Variants in CD244 observed in about 807,000 individuals in gnomAD.
CD244 encodes CD244 molecule.
A neutral mutation model predicts 45.5 loss-of-function variants in CD244; 20 were observed. The ratio of observed to expected loss-of-function variants is 0.44; its 90% confidence interval spans 0.31 to 0.64. The LOEUF is 0.64. Ranked by LOEUF, CD244 falls within the 30% of genes least tolerant of loss-of-function variation. The pLI, the probability that CD244 is intolerant of heterozygous loss-of-function variation, is 0.08. For missense variants in CD244, 407 were observed against 426.9 expected (o/e 0.95, Z 0.41); for synonymous variants, 185 against 160.5 (o/e 1.15, Z -1.15).
chr1:160,848,080 G>C (rs2101882535), intron 1 of CD244: 1 of 382,006 alleles, frequency 2.6e-6, no homozygotes, highest in African/African-American at 2.1e-5. Context: ...CCTTGGAGCT[G>C]TTTGCACATA....
rs574716207 is a variant in CD244 at position 160,861,197 on chromosome 1, C to T, written c.61+1420G>A. ...AGCTCTCCTGCCTAGAATCCTGGGC[C>T]ACTAGGCCCCCCAACCCACCCACAA... On this transcript the variant is annotated intron_variant, in intron 1 of 8. Transcript: ENST00000368034. Among the ~76,000 whole-genome samples the T allele has an allele frequency of 1.1e-3, 164 of 152,270 alleles. 1 individual carries two copies. The highest frequency in any genetic ancestry group is 2.0e-3 in the Non-Finnish European group (139 of 68,006).
chr1:160,834,180 T>A, intron 6 of CD244, 64 bp from the exon 7 acceptor site: 1 of 1,228,424 alleles, frequency 8.1e-7, no homozygotes, highest in East Asian at 2.3e-5. Context: ...ACAAAGGTTA[T>A]CTCTTCCGTT....
At chr1:160,839,742 G>A (rs1378099126) in intron 3 of CD244, among the ~76,000 whole-genome samples, 1 of 152,120 alleles carries the variant, frequency 6.6e-6, no homozygotes, top group African/African-American at 2.4e-5. Context: ...GTGGGTCCTG[G>A]AACTAATTCG....
rs1669407900 is a variant in CD244, at chr1:160,838,447, A to C, written c.834+4T>G. ...GAGAGACCCCAGCCTCCGGGATGAC[A>C]TACGTGATTTCTCCTGGTTTTCAGA... On this transcript the variant is annotated splice_donor_region_variant and intron_variant, in intron 5 of 8. Coordinates refer to ENST00000368034, the MANE Select transcript of CD244 (RefSeq NM_016382.4). 2 of 1,608,832 alleles carry C rather than the reference A, an allele frequency of 1.2e-6. No homozygotes were observed. The highest frequency in any genetic ancestry group is 1.7e-6 in the Non-Finnish European group (2 of 1,175,158).
rs1297071572 is a variant in CD244 at position 160,841,803 on chromosome 1, T to C, written c.160A>G (p.Lys54Glu). 1.2e-6 allele frequency: 2 copies of C among 1,614,024 alleles called. No individual in the cohort carries two copies. The highest frequency in any genetic ancestry group is 1.3e-5 in the African/African-American group (1 of 74,912). The change falls in exon 2 of 9, where the codon AAG (lysine) becomes GAG (glutamate). Residue 54 changes from lysine to glutamate, a missense_variant. By Grantham distance (56) the Lys-to-Glu change is moderately conservative. Transcript: ENST00000368034. ...CCATTTTGTGAGGGCAGCAACTTCT[T>C]CCATGCAATGCTGTCAACCTTCGTC... is the stretch of plus-strand genomic sequence containing the variant. ...IQTKVDSIAW[K>E]KLLPSQNGFH... is the part of the protein sequence containing the mutation.
chr1:160,842,615 T>C (rs554457424), intron 1 of CD244, among the ~76,000 whole-genome samples: 1 of 152,254 alleles, frequency 6.6e-6, no homozygotes, highest in East Asian at 1.9e-4. Flanking sequence ...AACCATCCTC[T>C]CACAGAGCTG....
chr1:160,857,663 T>C (rs1485126126), intron 1 of CD244, among the ~76,000 whole-genome samples: 3 of 152,240 alleles, frequency 2.0e-5, no homozygotes, highest in Non-Finnish European at 4.4e-5. Flanking sequence ...CAAGAGTGTG[T>C]TCATTTAACA....
chr1:160,858,911 A>T (rs1053541046), intron 1 of CD244, among the ~76,000 whole-genome samples: 9 of 152,212 alleles, frequency 5.9e-5, no homozygotes, highest in Non-Finnish European at 1.0e-4. Context: ...ACTGCTCTAG[A>T]TGTTGAGGAG....
intron 1 of CD244, among the ~76,000 whole-genome samples, chr1:160,857,139 C>G (rs2101894899): frequency 6.6e-6 from 1 of 152,350 alleles, no homozygotes; most frequent in East Asian, 1.9e-4. Context: ...TTGCCAAGCT[C>G]CACATTTCCA....
At chr1:160,848,105 G>A (rs1212483472) in intron 1 of CD244, 2 of 407,934 alleles carry the variant, frequency 4.9e-6, no homozygotes, top group Admixed American at 3.1e-5. Context: ...TCCAAAGACA[G>A]CAGAAAACAT....
chr1:160,841,190 G>A lies in CD244; in HGVS notation c.655+20C>T, dbSNP rs1669529104. ...GTCCAAACCTTCAGCGCTTGTTATAGCCCAGTGTGTTCCACTTACCCTGAT... is the reference window on the plus strand; with the variant it reads ...GTCCAAACCTTCAGCGCTTGTTATAACCCAGTGTGTTCCACTTACCCTGAT... On this transcript the variant is annotated intron_variant, in intron 3 of 8. Transcript: ENST00000368034. 1 of 1,612,824 alleles carries A rather than the reference G, an allele frequency of 6.2e-7. No individual in the cohort carries two copies. The highest frequency in any genetic ancestry group is 1.3e-5 in the African/African-American group (1 of 74,914).
rs1170644409 is a variant in CD244, at chr1:160,836,297, G to C, written c.835-43C>G. The C allele has an allele frequency of 2.7e-6, 4 of 1,504,426 alleles. No individual in the cohort carries two copies. The South Asian group carries it at 4.5e-5, about 17-fold the overall frequency. 93.2% of individuals were successfully genotyped at this position (1,504,426 alleles called of 1,614,324 possible). A position where few individuals can be genotyped will look rare whatever the true frequency, so the allele number is the denominator to read the frequency against. ...ATGGGGTAACATGAGCGACAGTTCG[G>C]TCTGTCCAGATTTAGATTGAGTGGG... is the stretch of plus-strand genomic sequence containing the variant. On this transcript the variant is annotated intron_variant, in intron 5 of 8. Coordinates refer to ENST00000368034, the MANE Select transcript of CD244 (RefSeq NM_016382.4).
chr1:160,855,628 G>A (rs1670077481), intron 1 of CD244, among the ~76,000 whole-genome samples: 1 of 152,230 alleles, frequency 6.6e-6, no homozygotes, highest in African/African-American at 2.4e-5. Flanking sequence ...GTGAGGCATA[G>A]AGGAGGACCC....
chr1:160,831,768 C>T (rs1294149960), intron 8 of CD244, among the ~76,000 whole-genome samples: 1 of 152,154 alleles, frequency 6.6e-6, no homozygotes, highest in Non-Finnish European at 1.5e-5. Flanking sequence ...AGCCACCCAT[C>T]CCTCCCTTCT....
At chr1:160,857,871 A>G (rs1670165535) in intron 1 of CD244, among the ~76,000 whole-genome samples, 1 of 150,960 alleles carries the variant, frequency 6.6e-6, no homozygotes, top group East Asian at 2.0e-4. Context: ...GCATAGCAAA[A>G]CCCCATCTCT....
rs372524465 is a variant in CD244, at chr1:160,856,795, C to A, written c.61+5822G>T. 7.3e-5 allele frequency among the ~76,000 whole-genome samples: 11 copies of A among 151,644 alleles called. No individual in the cohort carries two copies. The South Asian group carries it at 1.5e-3, about 20-fold the overall frequency. On this transcript the variant is annotated intron_variant, in intron 1 of 8. Coordinates refer to ENST00000368034, the MANE Select transcript of CD244 (RefSeq NM_016382.4). ...ATGAATAAGACCTCAAAAGCACAGG[C>A]AACAGAAGCAAAATAAACAAATGGT...
At chr1:160,860,099 C>T (rs1855189) in intron 1 of CD244, among the ~76,000 whole-genome samples, 38,711 of 151,458 alleles carry the variant, frequency 0.26, 5,480 homozygotes, top group East Asian at 0.4. Context: ...CCCAGCTACT[C>T]GGGAGGCTGA....
chr1:160,854,100 A>T (rs2101891017), intron 1 of CD244, among the ~76,000 whole-genome samples: 1 of 152,314 alleles, frequency 6.6e-6, no homozygotes, highest in East Asian at 1.9e-4. Flanking sequence ...GTAAAGATGG[A>T]GCAGGTTTGG....
chr1:160,832,945 GCA>G (rs1557829478), intron 7 of CD244, among the ~76,000 whole-genome samples: 1 of 146,274 alleles, frequency 6.8e-6, no homozygotes, highest in Non-Finnish European at 1.5e-5. Context: ...CATTCCCAGA[GCA>G]CACACACATA....
Sources: gnomAD v4.1 joint callset for allele counts (sites outside exome capture counted in the v4.1 genomes callset) on GRCh38, gnomAD v4.1.1 for gene constraint, MANE v1.5 for transcripts, NCBI Gene and HGNC (gene_info 2026-07-23, HGNC 2026-07-21) for gene names.